CTNND2: variants seen among roughly 807,000 people sequenced by gnomAD.
CTNND2 encodes the protein catenin delta-2.
Under a neutral mutation model 144.4 loss-of-function variants are expected in CTNND2, and 22 were observed. The ratio of observed to expected loss-of-function variants is 0.15; its 90% confidence interval spans 0.11 to 0.22. CTNND2 has a LOEUF of 0.22. Among genes scored for constraint, CTNND2 ranks in the 10% least tolerant of loss-of-function variants. The pLI is 1.00. For missense variants in CTNND2, 1,353 were observed against 1,618.8 expected (o/e 0.84, Z 2.82); for synonymous variants, 751 against 695.6 (o/e 1.08, Z -1.25).
chr5:11,118,662 T>C (rs1753791897), intron 12 of CTNND2, among the ~76,000 whole-genome samples: 1 of 152,136 alleles, frequency 6.6e-6, no homozygotes, highest in Non-Finnish European at 1.5e-5. Flanking sequence ...CTTTGCTGAG[T>C]GCTGGGGCAG....
intron 3 of CTNND2, among the ~76,000 whole-genome samples, chr5:11,476,171 G>A (rs748811244): frequency 6.6e-6 from 1 of 151,614 alleles, no homozygotes. Flanking sequence ...GCACCCAGCC[G>A]GGACTAATTA....
At chr5:11,200,774 G>A (rs1737344431) in intron 10 of CTNND2, among the ~76,000 whole-genome samples, 1 of 152,164 alleles carries the variant, frequency 6.6e-6, no homozygotes, top group African/African-American at 2.4e-5. Context: ...CGCCTCCCGG[G>A]TTCACGCCAT....
At chr5:11,038,865 C>T (rs1164615176) in intron 16 of CTNND2, among the ~76,000 whole-genome samples, 4 of 152,188 alleles carry the variant, frequency 2.6e-5, no homozygotes, top group African/African-American at 4.8e-5. Flanking sequence ...AATAAGACAA[C>T]ATATCAAATT....
intron 1 of CTNND2, among the ~76,000 whole-genome samples, chr5:11,748,038 C>T (rs2126779298): frequency 6.6e-6 from 1 of 152,238 alleles, no homozygotes; most frequent in East Asian, 1.9e-4. Flanking sequence ...CAGATATCTG[C>T]ACTCAGCCCA....
At chr5:11,478,391 C>T (rs1356027608) in intron 3 of CTNND2, among the ~76,000 whole-genome samples, 1 of 152,204 alleles carries the variant, frequency 6.6e-6, no homozygotes, top group Non-Finnish European at 1.5e-5. Context: ...GTCCCTTGCA[C>T]TTTCATAAAC....
chr5:11,475,028 A>T (rs1270754146), intron 3 of CTNND2, among the ~76,000 whole-genome samples: 1 of 152,202 alleles, frequency 6.6e-6, no homozygotes, highest in Non-Finnish European at 1.5e-5. Flanking sequence ...TAATTTTCTG[A>T]ACTACTAATC....
At chr5:11,505,241 C>T (rs1770911393) in intron 3 of CTNND2, among the ~76,000 whole-genome samples, 1 of 150,606 alleles carries the variant, frequency 6.6e-6, no homozygotes, top group Non-Finnish European at 1.5e-5. Flanking sequence ...CAAATTGCTT[C>T]ACAAGTTAAC....
intron 18 of CTNND2, among the ~76,000 whole-genome samples, chr5:10,995,967 G>A (rs1739297197): frequency 1.3e-5 from 2 of 152,152 alleles, no homozygotes; most frequent in African/African-American, 4.8e-5. Flanking sequence ...AGAGAACAGA[G>A]AGAAGAGAGA....
chr5:11,381,129 C>T (rs549805721), intron 7 of CTNND2, among the ~76,000 whole-genome samples: 51 of 152,256 alleles, frequency 3.3e-4, no homozygotes, highest in African/African-American at 1.2e-3. Context: ...CTTATATATA[C>T]ATCAAGAACT....
At chr5:11,819,737 T>A (rs1793212700) in intron 1 of CTNND2, among the ~76,000 whole-genome samples, 1 of 152,190 alleles carries the variant, frequency 6.6e-6, no homozygotes, top group Non-Finnish European at 1.5e-5. Flanking sequence ...GAAATACTCT[T>A]GGCAAACTCT....
chr5:11,651,236 C>A (rs1328759281), intron 2 of CTNND2, among the ~76,000 whole-genome samples: 1 of 152,204 alleles, frequency 6.6e-6, no homozygotes, highest in African/African-American at 2.4e-5. Context: ...AGATACATCT[C>A]AGGCTGCTGC....
intron 20 of CTNND2, among the ~76,000 whole-genome samples, chr5:10,987,413 TAG>T (rs1380613648): frequency 1.3e-5 from 2 of 152,142 alleles, no homozygotes; most frequent in Non-Finnish European, 2.9e-5. Flanking sequence ...CTGGCCTCCA[TAG>T]AGTCTTGGCT....
chr5:11,579,257 G>T (rs1561581786), intron 2 of CTNND2, among the ~76,000 whole-genome samples: 1 of 151,492 alleles, frequency 6.6e-6, no homozygotes, highest in Non-Finnish European at 1.5e-5. Flanking sequence ...ACAAGAACTT[G>T]TAAGAATGTA....
chr5:11,330,286 A>G (rs1191893524), intron 9 of CTNND2, among the ~76,000 whole-genome samples: 2 of 146,044 alleles, frequency 1.4e-5, no homozygotes, highest in East Asian at 2.0e-4. Flanking sequence ...CCTGGCTAAC[A>G]TGGTGAAACC....
Position 11,397,076 on chromosome 5 carries a change from C to T in CTNND2, c.567G>A (p.Pro189=), listed in dbSNP as rs17802557. 0.067 allele frequency: 107,630 copies of T among 1,613,926 alleles called. 4,119 individuals carry two copies. Among genetic ancestry groups the T allele is most frequent in the Non-Finnish European group, 0.078 (91,646 of 1,180,006 alleles). The stretch of plus-strand genomic sequence containing the variant: ...TAGCTCGGGCTTGTGTGCCTCGGGC[C>T]GGGAGCTGTGAAGGGGTGGTTTCCC... ...ALGETTPSQL[P]ARGTQARATG... is the part of the protein sequence containing the mutation. Residue 189 remains proline, a synonymous_variant, in exon 6 of 22, where the codon CCG becomes CCA. Transcript: ENST00000304623.
intron 1 of CTNND2, among the ~76,000 whole-genome samples, chr5:11,825,409 A>C (rs1385713812): frequency 6.6e-6 from 1 of 152,206 alleles, no homozygotes; most frequent in African/African-American, 2.4e-5. Context: ...GATTATCTTT[A>C]AAAAGAATTT....
chr5:11,037,413 G>C (rs1321298544), intron 16 of CTNND2, among the ~76,000 whole-genome samples: 1 of 152,102 alleles, frequency 6.6e-6, no homozygotes, highest in African/African-American at 2.4e-5. Flanking sequence ...AAGTTCTTTC[G>C]ACACTTCATA....
At chr5:11,300,558 C>A (rs1016095394) in intron 9 of CTNND2, among the ~76,000 whole-genome samples, 2 of 152,158 alleles carry the variant, frequency 1.3e-5, no homozygotes, top group African/African-American at 2.4e-5. Context: ...ACCCTCCCCA[C>A]ACACAGTTCC....
chr5:11,132,460 T>A (rs1168370612), intron 12 of CTNND2, among the ~76,000 whole-genome samples: 1 of 152,216 alleles, frequency 6.6e-6, no homozygotes. Flanking sequence ...AATGCCCTTA[T>A]AAAAGGGGAC....
Sources: allele counts gnomAD v4.1 joint callset (sites outside exome capture counted in the v4.1 genomes callset), GRCh38; gene constraint gnomAD v4.1.1; transcripts MANE v1.5; gene names NCBI Gene and HGNC (gene_info 2026-07-23, HGNC 2026-07-21).